RAD54L2: variants seen among roughly 807,000 people sequenced by gnomAD.
RAD54L2 encodes RAD54 like 2.
A neutral mutation model predicts 138.4 loss-of-function variants in RAD54L2; 27 were observed. That is an observed-to-expected ratio of 0.20 (90% CI 0.14 to 0.27). The LOEUF (loss-of-function observed/expected upper bound fraction) is 0.27. Among genes scored for constraint, RAD54L2 ranks in the 10% least tolerant of loss-of-function variants. The pLI is 1.00. For missense variants in RAD54L2, 1,396 were observed against 1,890.2 expected (o/e 0.74, Z 4.85); for synonymous variants, 644 against 723.2 (o/e 0.89, Z 1.76).
chr3:51,589,712 A>G (rs756455014), intron 2 of RAD54L2, among the ~76,000 whole-genome samples: 80 of 152,110 alleles, frequency 5.3e-4, no homozygotes, highest in Non-Finnish European at 9.9e-4. Flanking sequence ...ACACACATAC[A>G]CACACATATA....
intron 3 of RAD54L2, among the ~76,000 whole-genome samples, chr3:51,609,265 T>A (rs1700276385): frequency 6.6e-6 from 1 of 152,190 alleles, no homozygotes; most frequent in African/African-American, 2.4e-5. Flanking sequence ...ATTCACAGGG[T>A]TTCAACTAAC....
chr3:51,544,700 C>A (rs552832121), intron 2 of RAD54L2, among the ~76,000 whole-genome samples: 1 of 152,040 alleles, frequency 6.6e-6, no homozygotes, highest in African/African-American at 2.4e-5. Context: ...TCAACCTCCT[C>A]GGTTCAAGCT....
chr3:51,626,029 A>G (rs774920907), intron 3 of RAD54L2, among the ~76,000 whole-genome samples: 1 of 152,066 alleles, frequency 6.6e-6, no homozygotes, highest in Non-Finnish European at 1.5e-5. Context: ...TGAAATCCCA[A>G]TAAAGTCTAT....
chr3:51,646,163 G>A, intron 18 of RAD54L2, 122 bp from the exon 19 acceptor site: 1 of 841,430 alleles, frequency 1.2e-6, no homozygotes, highest in Non-Finnish European at 1.9e-6. Flanking sequence ...ACCTGCCTGT[G>A]TATCTCTGAG....
chr3:51,560,647 G>A (rs530294994), intron 2 of RAD54L2, among the ~76,000 whole-genome samples: 2 of 152,054 alleles, frequency 1.3e-5, no homozygotes, highest in Non-Finnish European at 2.9e-5. Flanking sequence ...GTGAGCCACC[G>A]TGCCTGGCCC....
At chr3:51,559,871 T>C (rs934178153) in intron 2 of RAD54L2, among the ~76,000 whole-genome samples, 6 of 152,236 alleles carry the variant, frequency 3.9e-5, no homozygotes, top group Non-Finnish European at 7.3e-5. Flanking sequence ...CTACAGGAGC[T>C]TCCAAATGGG....
intron 2 of RAD54L2, among the ~76,000 whole-genome samples, chr3:51,575,878 C>T (rs1187428161): frequency 6.6e-6 from 1 of 152,168 alleles, no homozygotes; most frequent in Admixed American, 6.5e-5. Flanking sequence ...GAACTTCCAA[C>T]ACTATGTTGG....
In RAD54L2 at chr3:51,660,064, G is replaced by A. The variant is rs1392018813; in HGVS notation, c.3355G>A (p.Val1119Ile). The change falls in exon 22 of 23, where the codon GTC becomes ATC. Residue 1119 changes from valine to isoleucine, a missense_variant. Transcript: ENST00000684192. ...TACCAGTGATGGACGGATCTTTGCTGTCCGGGCAACTGGCAAACCAAAGGT... is the reference window on the plus strand; with the variant it reads ...TACCAGTGATGGACGGATCTTTGCTATCCGGGCAACTGGCAAACCAAAGGT... ...IRTSDGRIFA[V>I]RATGKPKVPE... 6.2e-7 allele frequency: 1 copy of A among 1,600,052 alleles called. No individual in the cohort carries two copies. Among genetic ancestry groups the A allele is most frequent in the Non-Finnish European group, 8.6e-7 (1 of 1,168,424 alleles).
chr3:51,574,345 C>A (rs1359584384), intron 2 of RAD54L2, among the ~76,000 whole-genome samples: 1 of 152,126 alleles, frequency 6.6e-6, no homozygotes, highest in Non-Finnish European at 1.5e-5. Context: ...ATTTATAATC[C>A]TTTGGGTATA....
At chr3:51,586,942 A>G (rs540543717) in intron 2 of RAD54L2, among the ~76,000 whole-genome samples, 1 of 152,248 alleles carries the variant, frequency 6.6e-6, no homozygotes, top group Admixed American at 6.5e-5. Flanking sequence ...ACTTCCAAAC[A>G]CAGAGTAGTT....
chr3:51,632,263 G>A (rs1219411793), intron 7 of RAD54L2, among the ~76,000 whole-genome samples: 1 of 152,062 alleles, frequency 6.6e-6, no homozygotes, highest in African/African-American at 2.4e-5. Flanking sequence ...TTTGGCTATT[G>A]TGCATAACTC....
intron 3 of RAD54L2, among the ~76,000 whole-genome samples, chr3:51,605,450 G>GA (rs1694196809): frequency 1.4e-5 from 1 of 71,932 alleles, no homozygotes; most frequent in East Asian, 4.3e-4. Flanking sequence ...TGAATTTGAG[G>GA]GTTTTTTTTT....
rs1284676025 is a variant in RAD54L2, at chr3:51,641,711, T to A, written c.2232-38T>A. The A allele has an allele frequency of 2.2e-6, 3 of 1,386,804 alleles. No homozygotes were observed. The South Asian group carries it at 3.7e-5, about 17-fold the overall frequency. 85.9% of individuals were successfully genotyped at this position (1,386,804 alleles called of 1,614,324 possible). A position where few individuals can be genotyped will look rare whatever the true frequency, so the allele number is the denominator to read the frequency against. On this transcript the variant is annotated intron_variant, in intron 14 of 22. Coordinates refer to ENST00000684192, the MANE Select transcript of RAD54L2 (RefSeq NM_015106.4). The stretch of plus-strand genomic sequence containing the variant: ...CCTATTGGGAACAATGTTCCCTCAA[T>A]TCTGGGAGCCATCTGAACGAAATGT...
chr3:51,645,332 TC>T lies in RAD54L2; in HGVS notation c.2656+104del. The T allele has an allele frequency of 1.6e-6, 2 of 1,242,562 alleles. No homozygotes were observed. The highest frequency in any genetic ancestry group is 2.3e-6 in the Non-Finnish European group (2 of 885,296). The allele number at this position is 1,242,562 out of a possible 1,614,324, so 77.0% of individuals were successfully genotyped here. On this transcript the variant is annotated intron_variant, in intron 17 of 22. Transcript: ENST00000684192. The surrounding 1 kb of genome is among the most constrained non-coding windows in gnomAD (Gnocchi z 6.1). ...CAGGATATGGGAACACAGGCAGGCTTCGAGAAAGCCAGCATTTCCTCCTATC... is the reference window on the plus strand; with the variant it reads ...CAGGATATGGGAACACAGGCAGGCTTGAGAAAGCCAGCATTTCCTCCTATC...
chr3:51,657,033 G>A (rs1412469588), intron 20 of RAD54L2, among the ~76,000 whole-genome samples: 2 of 152,008 alleles, frequency 1.3e-5, no homozygotes, highest in Non-Finnish European at 2.9e-5. Context: ...CATTGCACCC[G>A]GCCAATATAT....
intron 2 of RAD54L2, among the ~76,000 whole-genome samples, chr3:51,549,645 G>T (rs1698786852): frequency 6.6e-6 from 1 of 151,926 alleles, no homozygotes; most frequent in South Asian, 2.1e-4. Flanking sequence ...AGACGAGGTG[G>T]TACACACCTG....
intron 2 of RAD54L2, among the ~76,000 whole-genome samples, chr3:51,558,524 C>T (rs1699026731): frequency 6.6e-6 from 1 of 151,918 alleles, no homozygotes; most frequent in Admixed American, 6.6e-5. Context: ...GGCTAGAGTG[C>T]AGTGGCGTGA....
At chr3:51,594,489 G>A (rs896225339) in intron 3 of RAD54L2, among the ~76,000 whole-genome samples, 1 of 152,144 alleles carries the variant, frequency 6.6e-6, no homozygotes, top group Non-Finnish European at 1.5e-5. Context: ...GCAAGAAATT[G>A]GCAAAGCTGG....
chr3:51,662,334 C>A lies in RAD54L2; in HGVS notation c.3410-92C>A. On this transcript the variant is annotated intron_variant, in intron 22 of 22. Transcript: ENST00000684192. The surrounding 1 kb of genome is among the most constrained non-coding windows in gnomAD (Gnocchi z 4.6). ...CAAACTATTAGAATTTTGGGGACTACAGGACAGGATTTTTTTTAATGGAGT... is the reference window on the plus strand; with the variant it reads ...CAAACTATTAGAATTTTGGGGACTAAAGGACAGGATTTTTTTTAATGGAGT... The A allele has an allele frequency of 7.9e-7, 1 of 1,266,014 alleles. No individual in the cohort carries two copies. The highest frequency in any genetic ancestry group is 1.1e-6 in the Non-Finnish European group (1 of 935,868). 78.4% of individuals were successfully genotyped at this position (1,266,014 alleles called of 1,614,324 possible). A position where few individuals can be genotyped will look rare whatever the true frequency, so the allele number is the denominator to read the frequency against.
Sources: allele counts gnomAD v4.1 joint callset (sites outside exome capture counted in the v4.1 genomes callset), GRCh38; gene constraint gnomAD v4.1.1; non-coding constraint Gnocchi (gnomAD v3.1); transcripts MANE v1.5; gene names NCBI Gene and HGNC (gene_info 2026-07-23, HGNC 2026-07-21).